Variants in PKIB observed in about 807,000 individuals in gnomAD.
PKIB encodes the protein cAMP-dependent protein kinase inhibitor beta, also known as PKI-beta.
Under a neutral mutation model 4.5 loss-of-function variants are expected in PKIB, and 2 were observed. The ratio of observed to expected loss-of-function variants is 0.44; its 90% CI spans 0.18 to 1.39. PKIB has a LOEUF of 1.39. Ranked by LOEUF, PKIB falls within the 40% of genes most tolerant of loss-of-function variation. PKIB has a pLI of 0.27. For synonymous variants in PKIB, 38 were observed against 36.0 expected, an observed-to-expected ratio of 1.06 and a Z score of -0.20; for missense variants, 94 against 92.6, an observed-to-expected ratio of 1.02 and a Z score of -0.06.
intron 2 of PKIB, among the ~76,000 whole-genome samples, chr6:122,652,319 TGTGTGTGTG>T (rs1776589773): frequency 1.7e-5 from 2 of 120,318 alleles, no homozygotes; most frequent in African/African-American, 6.8e-5. Flanking sequence ...TGTGTGTGTG[TGTGTGTGTG>T]TGTGTGGAGA....
intron 3 of PKIB, among the ~76,000 whole-genome samples, chr6:122,594,286 C>A (rs999291274): frequency 1.3e-5 from 2 of 151,612 alleles, no homozygotes; most frequent in Non-Finnish European, 2.9e-5. Flanking sequence ...CTGCTCACTG[C>A]AACCTCTGCC....
chr6:122,588,429 T>G (rs915517418), intron 3 of PKIB, among the ~76,000 whole-genome samples: 7 of 152,052 alleles, frequency 4.6e-5, no homozygotes, highest in African/African-American at 1.4e-4. Flanking sequence ...AAAAACTACT[T>G]TAAAGTTCAT....
intron 2 of PKIB, among the ~76,000 whole-genome samples, chr6:122,667,273 A>G (rs917198747): frequency 6.6e-6 from 1 of 152,182 alleles, no homozygotes; most frequent in Non-Finnish European, 1.5e-5. Flanking sequence ...AAATGTTGTA[A>G]GTCGGCCAGG....
chr6:122,702,591 A>T (rs1778869961), intron 3 of PKIB, among the ~76,000 whole-genome samples: 3 of 152,202 alleles, frequency 2.0e-5, no homozygotes, highest in Admixed American at 2.0e-4. Context: ...AAGTGATGGG[A>T]TTACAGGCAT....
At chr6:122,704,080 C>G (rs1450676465) in intron 3 of PKIB, among the ~76,000 whole-genome samples, 5 of 151,584 alleles carry the variant, frequency 3.3e-5, no homozygotes, top group African/African-American at 1.2e-4. Context: ...AGTCTGATAA[C>G]CGGGAGACCC....
At chr6:122,580,673 T>G (rs1773677687) in intron 2 of PKIB, among the ~76,000 whole-genome samples, 1 of 152,030 alleles carries the variant, frequency 6.6e-6, no homozygotes, top group Non-Finnish European at 1.5e-5. Context: ...CACTATACAC[T>G]ACAAGCAGCA....
rs1051205241 is a variant in PKIB at position 122,725,259 on chromosome 6, C to T, written c.*64C>T. The T allele has an allele frequency of 1.5e-6, 2 of 1,350,712 alleles. No homozygotes were observed. Among genetic ancestry groups the T allele is most frequent in the African/African-American group, 2.9e-5 (2 of 68,106 alleles). The allele number at this position is 1,350,712 out of a possible 1,614,324, so 83.7% of individuals were successfully genotyped here. A position where few individuals can be genotyped will look rare whatever the true frequency, so the allele number is the denominator to read the frequency against. On this transcript the variant is annotated 3_prime_UTR_variant, in exon 5 of 5. Coordinates refer to ENST00000368452, the MANE Select transcript of PKIB (RefSeq NM_181795.3). ...TTGAAAGACTTAGTGGTTCTGTTTT[C>T]TTGAGACATTTAATCTGGTGGTAAC... is the stretch of plus-strand genomic sequence containing the variant.
chr6:122,689,658 G>C (rs1163133407), intron 3 of PKIB, among the ~76,000 whole-genome samples: 1 of 152,140 alleles, frequency 6.6e-6, no homozygotes, highest in African/African-American at 2.4e-5. Flanking sequence ...TTTAAGACTT[G>C]TTCTGTGGTC....
At chr6:122,474,749 T>C (rs150489896) in intron 1 of PKIB, among the ~76,000 whole-genome samples, 122 of 152,364 alleles carry the variant, frequency 8.0e-4, no homozygotes, top group African/African-American at 2.5e-3. Context: ...TGTGGAGTAC[T>C]ATAGACAGGC....
In PKIB at chr6:122,717,885, C is replaced by T. The variant is rs750672113; in HGVS notation, c.91C>T (p.Pro31Ser). 2 of 1,614,110 alleles carry T rather than the reference C, an allele frequency of 1.2e-6. No individual in the cohort carries two copies. Among genetic ancestry groups the T allele is most frequent in the Non-Finnish European group, 1.7e-6 (2 of 1,179,988 alleles). ...SARAGRRNAL[P>S]DIQSSAATDG... is the part of the protein sequence containing the mutation. Reference sequence around the variant, plus strand: ...AAGGGCAGGCCGCCGGAATGCCTTACCAGACATCCAGAGTTCAGCTGCCAC... The same window carrying T: ...AAGGGCAGGCCGCCGGAATGCCTTATCAGACATCCAGAGTTCAGCTGCCAC... Residue 31 changes from proline to serine, a missense_variant, in exon 4 of 5, where the codon CCA becomes TCA. Physicochemically the swap from Pro to Ser is moderately conservative, Grantham distance 74 (BLOSUM62 -1). Coordinates refer to ENST00000368452, the MANE Select transcript of PKIB (RefSeq NM_181795.3).
intron 2 of PKIB, among the ~76,000 whole-genome samples, chr6:122,667,765 C>T (rs1437438637): frequency 1.3e-5 from 2 of 152,144 alleles, no homozygotes; most frequent in Non-Finnish European, 2.9e-5. Context: ...TGTGAATCTG[C>T]TGTTTTGGTG....
At chr6:122,529,471 A>G (rs1777189065) in intron 2 of PKIB, among the ~76,000 whole-genome samples, 2 of 152,144 alleles carry the variant, frequency 1.3e-5, no homozygotes, top group African/African-American at 4.8e-5. Flanking sequence ...AAATTACAAT[A>G]ATACAAGTCA....
At chr6:122,724,541 A>T (rs1779876491) in intron 4 of PKIB, among the ~76,000 whole-genome samples, 1 of 152,188 alleles carries the variant, frequency 6.6e-6, no homozygotes, top group South Asian at 2.1e-4. Context: ...AGTGCTCACA[A>T]GTGCATCTTC....
chr6:122,598,116 C>A (rs1774235692), intron 3 of PKIB, among the ~76,000 whole-genome samples: 1 of 152,172 alleles, frequency 6.6e-6, no homozygotes, highest in African/African-American at 2.4e-5. Flanking sequence ...AGTCCTTCCT[C>A]AAGGGCACCC....
At position 122,508,013 on chromosome 6, in the gene PKIB, T is replaced by A. The variant is rs192671333; in HGVS notation, c.-248+30074T>A. On this transcript the variant is annotated intron_variant, in intron 2 of 6. Transcript: ENST00000392491. ...TTTTTTGTTTATGTAATTGTATTTTTAAGATTTGATTGGCTTGTTTCACAA... is the reference window on the plus strand; with the variant it reads ...TTTTTTGTTTATGTAATTGTATTTTAAAGATTTGATTGGCTTGTTTCACAA... Among the ~76,000 whole-genome samples, 458 of 152,332 alleles carry A rather than the reference T, an allele frequency of 3.0e-3. 2 individuals carry two copies. Among genetic ancestry groups the A allele is most frequent in the African/African-American group, 0.01 (435 of 41,568 alleles).
intron 1 of PKIB, among the ~76,000 whole-genome samples, chr6:122,627,250 A>C (rs1367909758): frequency 6.6e-6 from 1 of 151,778 alleles, no homozygotes; most frequent in Non-Finnish European, 1.5e-5. Context: ...TCTCCAAAAA[A>C]AAAAAAGAAA....
chr6:122,556,125 GA>G (rs1442716327), intron 2 of PKIB, among the ~76,000 whole-genome samples: 2 of 152,182 alleles, frequency 1.3e-5, no homozygotes, highest in African/African-American at 4.8e-5. Context: ...CTCTTCTCAT[GA>G]TAGTGAGTGA....
intron 2 of PKIB, among the ~76,000 whole-genome samples, chr6:122,537,954 T>G (rs1380346185): frequency 6.6e-6 from 1 of 152,044 alleles, no homozygotes; most frequent in African/African-American, 2.4e-5. Flanking sequence ...TTTCATGTGT[T>G]TTTTGGCTGC....
chr6:122,560,474 A>G (rs1772981441), intron 2 of PKIB, among the ~76,000 whole-genome samples: 1 of 152,166 alleles, frequency 6.6e-6, no homozygotes, highest in South Asian at 2.1e-4. Context: ...ATCAGTGTTC[A>G]TCAAAGATAT....
Sources: allele counts gnomAD v4.1 joint callset (sites outside exome capture counted in the v4.1 genomes callset), GRCh38; gene constraint gnomAD v4.1.1; transcripts MANE v1.5; gene names NCBI Gene and HGNC (gene_info 2026-07-23, HGNC 2026-07-21).